SNX8: variants seen among roughly 807,000 people sequenced by gnomAD.
SNX8 encodes the protein sorting nexin 8, also known as sorting nexin-8.
A neutral mutation model predicts 51.6 loss-of-function variants in SNX8; 25 were observed. The ratio of observed to expected loss-of-function variants is 0.48; its 90% CI spans 0.35 to 0.68. The LOEUF (loss-of-function observed/expected upper bound fraction) is 0.68, where lower values mean the gene tolerates loss of function less well. SNX8 is among the 30% of genes least tolerant of loss of function. The pLI is 0.00. For missense variants in SNX8, 695 were observed against 624.0 expected (o/e 1.11, Z -1.21); for synonymous variants, 324 against 277.0 (o/e 1.17, Z -1.68).
At chr7:2,342,526 G>A (rs891294217) in intron 1 of SNX8, among the ~76,000 whole-genome samples, 3 of 151,664 alleles carry the variant, frequency 2.0e-5, no homozygotes, top group African/African-American at 7.3e-5. Flanking sequence ...GCAGTGGTGC[G>A]GGGCTGTAGC....
intron 1 of SNX8, among the ~76,000 whole-genome samples, chr7:2,353,686 A>T (rs1317106813): frequency 6.6e-6 from 1 of 151,878 alleles, no homozygotes; most frequent in Non-Finnish European, 1.5e-5. Flanking sequence ...CATCCTCCCA[A>T]ATTGAAGGTC....
At chr7:2,349,220 A>T (rs1364565750) in intron 1 of SNX8, among the ~76,000 whole-genome samples, 1 of 151,548 alleles carries the variant, frequency 6.6e-6, no homozygotes, top group Non-Finnish European at 1.5e-5. Flanking sequence ...AAAAAAAAAA[A>T]AAGTAAAAAA....
chr7:2,290,639 G>C (rs1205335723), intron 1 of SNX8, among the ~76,000 whole-genome samples: 1 of 152,136 alleles, frequency 6.6e-6, no homozygotes, highest in East Asian at 1.9e-4. Flanking sequence ...GGGCCAGGAG[G>C]GTGGCCGAGG....
In SNX8 at chr7:2,256,990, T is replaced by C; in HGVS notation, c.1168A>G (p.Asn390Asp). The C allele has an allele frequency of 6.2e-7, 1 of 1,611,978 alleles. No individual in the cohort carries two copies. Among genetic ancestry groups the C allele is most frequent in the Non-Finnish European group, 8.5e-7 (1 of 1,178,920 alleles). ...TGCAGGCAGTACAGGGAGAAGTAGT[T>C]CCGCAGCTCCATCGTCTGAATCGCG... ...ENAIQTMELR[N>D]YFSLYCLHQE... The change falls in exon 10 of 11, where the codon AAC becomes GAC. Residue 390 changes from asparagine to aspartate, a missense_variant. Coordinates refer to ENST00000222990, the MANE Select transcript of SNX8 (RefSeq NM_013321.4).
upstream of SNX8, among the ~76,000 whole-genome samples, chr7:2,319,368 T>A (rs558386332): frequency 6.8e-6 from 1 of 146,428 alleles, no homozygotes; most frequent in East Asian, 2.1e-4. Flanking sequence ...AATAAAAAAC[T>A]GTAAATTGTG....
chr7:2,342,851 C>G (rs1217968368), intron 1 of SNX8, among the ~76,000 whole-genome samples: 9 of 151,772 alleles, frequency 5.9e-5, no homozygotes, highest in Admixed American at 5.9e-4. Flanking sequence ...GAGACGGAGT[C>G]TCGCTCTGTC....
chr7:2,269,128 G>A (rs1795574776), intron 5 of SNX8, among the ~76,000 whole-genome samples: 1 of 145,882 alleles, frequency 6.9e-6, no homozygotes, highest in Admixed American at 6.9e-5. Context: ...TCGGATGGTT[G>A]CCGTGTCTGT....
At chr7:2,279,553 A>G (rs888106838) in intron 1 of SNX8, among the ~76,000 whole-genome samples, 1 of 152,216 alleles carries the variant, frequency 6.6e-6, no homozygotes, top group Admixed American at 6.5e-5. Flanking sequence ...GGAGTTCAAG[A>G]CCACCCTGGG....
Position 2,298,662 on chromosome 7 carries a change from A to G in SNX8, c.94+15666T>C, listed in dbSNP as rs545983175. ...TGGGATTACAGGCATGAGCCACCAC[A>G]CCCAACCTGGGTTTTGGTTTTGTTT... On this transcript the variant is annotated intron_variant, in intron 1 of 10. Coordinates refer to ENST00000222990, the MANE Select transcript of SNX8 (RefSeq NM_013321.4). Among the ~76,000 whole-genome samples, 4 of 146,670 alleles carry G rather than the reference A, an allele frequency of 2.7e-5. No homozygotes were observed. The East Asian group carries it at 8.3e-4, about 30-fold the overall frequency.
In SNX8 at chr7:2,351,022, G is replaced by A. The variant is rs73043296; in HGVS notation, c.-66+3200C>T. Among the ~76,000 whole-genome samples, 447 of 152,244 alleles carry A rather than the reference G, an allele frequency of 2.9e-3. 1 individual carries two copies. Among genetic ancestry groups the A allele is most frequent in the Non-Finnish European group, 5.0e-3 (338 of 68,006 alleles). On this transcript the variant is annotated intron_variant, in intron 1 of 5. Transcript: ENST00000435336. ...TAGTCTCAACTACTCAGGAGGAGGC[G>A]GCGGGAGGATCACGAGCCTGGGAGT...
chr7:2,254,722 C>A lies in SNX8; in HGVS notation c.*334G>T. Reference sequence around the variant, plus strand: ...CCCGACTGTTCCAGCACCTGGAGGCCCTGCCTCCACGCTCCCCCAGGCACA... The same window carrying A: ...CCCGACTGTTCCAGCACCTGGAGGCACTGCCTCCACGCTCCCCCAGGCACA... On this transcript the variant is annotated 3_prime_UTR_variant, in exon 11 of 11. Transcript: ENST00000222990. 2.8e-6 allele frequency: 1 copy of A among 358,316 alleles called. No individual in the cohort carries two copies. Among genetic ancestry groups the A allele is most frequent in the South Asian group, 2.9e-5 (1 of 35,076 alleles). The allele number at this position is 358,316 out of a possible 1,614,324, so 22.2% of individuals were successfully genotyped here.
At chr7:2,349,018 T>A (rs868599326) in intron 1 of SNX8, among the ~76,000 whole-genome samples, 7 of 143,864 alleles carry the variant, frequency 4.9e-5, no homozygotes, top group Middle Eastern at 3.8e-3. Flanking sequence ...CAAAAAATCA[T>A]GACTTTCAAT....
In SNX8 at chr7:2,263,240, G is replaced by A. The variant is rs759027337; in HGVS notation, c.905C>T (p.Ala302Val). ...AACCGATCCACTCACCTGTTGTGCA[G>A]CCTTGTCGGCGAGCAGCGCGAATTC... ...SVEFALLADK[A>V]AQQGKQEEND... Residue 302 changes from alanine to valine, a missense_variant, in exon 7 of 11, where the codon GCT (alanine) becomes GTT (valine). Transcript: ENST00000222990. 4 of 1,613,882 alleles carry A rather than the reference G, an allele frequency of 2.5e-6. No individual in the cohort carries two copies. The Admixed American group carries it at 5.0e-5, about 20-fold the overall frequency.
intron 1 of SNX8, among the ~76,000 whole-genome samples, chr7:2,338,002 G>C (rs1270815816): frequency 6.6e-6 from 1 of 152,118 alleles, no homozygotes; most frequent in Non-Finnish European, 1.5e-5. Flanking sequence ...TCTAGCTAAA[G>C]CAAGAAGACA....
chr7:2,317,566 C>T (rs562142709), upstream of SNX8, among the ~76,000 whole-genome samples: 46 of 151,970 alleles, frequency 3.0e-4, no homozygotes, highest in African/African-American at 1.1e-3. Flanking sequence ...TGTGAGCCAC[C>T]GTGCCCGGCC....
intron 1 of SNX8, among the ~76,000 whole-genome samples, chr7:2,278,512 C>G (rs1344448138): frequency 6.6e-6 from 1 of 152,202 alleles, no homozygotes; most frequent in East Asian, 1.9e-4. Flanking sequence ...AGTGCAGCCT[C>G]CCTCTGCTGT....
chr7:2,285,931 C>A (rs1796016979), intron 1 of SNX8, among the ~76,000 whole-genome samples: 1 of 152,204 alleles, frequency 6.6e-6, no homozygotes, highest in Admixed American at 6.5e-5. Context: ...AATCCTCCCA[C>A]CTCAACCTAT....
At chr7:2,318,393 G>C (rs561935265), upstream of SNX8, among the ~76,000 whole-genome samples, 13 of 151,690 alleles carry the variant, frequency 8.6e-5, no homozygotes, top group East Asian at 1.9e-3. Context: ...AGTCTCTACC[G>C]GGCGCCTGTA....
chr7:2,290,307 C>G (rs989615751), intron 1 of SNX8, among the ~76,000 whole-genome samples: 1 of 152,030 alleles, frequency 6.6e-6, no homozygotes, highest in Non-Finnish European at 1.5e-5. Flanking sequence ...TCGAGACCAG[C>G]CAGGACAACA....
Sources: gnomAD v4.1 joint callset for allele counts (sites outside exome capture counted in the v4.1 genomes callset) on GRCh38, gnomAD v4.1.1 for gene constraint, MANE v1.5 for transcripts, NCBI Gene and HGNC (gene_info 2026-07-23, HGNC 2026-07-21) for gene names.